Variants in MYBBP1A observed in about 807,000 individuals in gnomAD.
The protein encoded by MYBBP1A is MYB binding protein 1a, also known as myb-binding protein 1A.
In MYBBP1A, 147 loss-of-function variants were observed where a neutral mutation model predicts 136.3. The ratio of observed to expected loss-of-function variants is 1.08; its 90% CI spans 0.94 to 1.24. The LOEUF (loss-of-function observed/expected upper bound fraction) is 1.24. Among genes scored for constraint, MYBBP1A ranks in the 50% most tolerant of loss-of-function variants. The probability of loss-of-function intolerance (pLI) is 0.00; values close to 1 mark genes in which losing one functional copy is unlikely to be tolerated. For synonymous variants in MYBBP1A, 947 were observed against 735.8 expected (o/e 1.29, Z -4.65); for missense variants, 2,060 against 1,727.4 (o/e 1.19, Z -3.41).
At position 4,538,934 on chromosome 17, in the gene MYBBP1A, GCTC is replaced by G. The variant is rs778911206; in HGVS notation, c.*478_*480del. The G allele has an allele frequency of 1.1e-5, 9 of 783,014 alleles. No individual in the cohort carries two copies. Among genetic ancestry groups the G allele is most frequent in the Non-Finnish European group, 1.9e-5 (8 of 420,038 alleles). 48.5% of individuals were successfully genotyped at this position (783,014 alleles called of 1,614,324 possible). A position where few individuals can be genotyped will look rare whatever the true frequency, so the allele number is the denominator to read the frequency against. On this transcript the variant is annotated 3_prime_UTR_variant, in exon 26 of 26. Transcript: ENST00000254718. ...TCCTCTTCCTTCCGGAAGCCAAACT[GCTC>G]CTTTATTTTTTAGAGCTGCTGATTG... is the stretch of plus-strand genomic sequence containing the variant.
In MYBBP1A at chr17:4,541,512, A is replaced by G; in HGVS notation, c.3248T>C (p.Leu1083Pro). The change falls in exon 24 of 26, where the codon CTG becomes CCG. Residue 1083 changes from leucine (L) to proline (P), a missense_variant. Transcript: ENST00000254718. The stretch of plus-strand genomic sequence containing the variant: ...AACGTTGAGCAGCTCCAGGGAGGAC[A>G]GTGCCTGCTGATGCTGCGCCTTGGT... ...AQTKAQHQQA[L>P]SSLELLNVLF... The G allele has an allele frequency of 6.2e-7, 1 of 1,613,566 alleles. No individual in the cohort carries two copies. Among genetic ancestry groups the G allele is most frequent in the East Asian group, 2.2e-5 (1 of 44,888 alleles).
chr17:4,545,257 A>G lies in MYBBP1A; in HGVS notation c.2160+2T>C, dbSNP rs775994491. 8 of 1,607,136 alleles carry G rather than the reference A, an allele frequency of 5.0e-6. No homozygotes were observed. The highest frequency in any genetic ancestry group is 8.5e-7 in the Non-Finnish European group (1 of 1,178,396). Reference sequence around the variant, plus strand: ...CCCCCGCCCGGCCCATGCTGGCAACACCTCTGCACCCTTCAGCCGCCGCTC... The same window carrying G: ...CCCCCGCCCGGCCCATGCTGGCAACGCCTCTGCACCCTTCAGCCGCCGCTC... On this transcript the variant is annotated splice_donor_variant, in intron 16 of 25. Coordinates refer to ENST00000254718, the MANE Select transcript of MYBBP1A (RefSeq NM_014520.4). LOFTEE classifies it high-confidence loss of function.
Position 4,550,266 on chromosome 17 carries a change from G to C in MYBBP1A, c.1111C>G (p.Leu371Val). The C allele has an allele frequency of 6.2e-7, 1 of 1,613,502 alleles. No individual in the cohort carries two copies. The highest frequency in any genetic ancestry group is 8.5e-7 in the Non-Finnish European group (1 of 1,180,032). ...GATGAGAAGGCCACTAGCACGGCCA[G>C]CTGCCGCTCAGGGTCATCCTGGCAC... is the stretch of plus-strand genomic sequence containing the variant. ...EGCQDDPERQLAVLVAFSSVT... is the reference protein window; with the variant it reads ...EGCQDDPERQVAVLVAFSSVT... The change falls in exon 9 of 26, where the codon CTG (leucine) becomes GTG (valine). Residue 371 changes from leucine to valine, a missense_variant. By Grantham distance (32) the Leu-to-Val change is conservative. Transcript: ENST00000254718.
At chr17:4,550,595 G>T (rs1445515172) in intron 8 of MYBBP1A, among the ~76,000 whole-genome samples, 1 of 152,270 alleles carries the variant, frequency 6.6e-6, no homozygotes. Flanking sequence ...CTTTTGTCTG[G>T]CGTCAAGGCC....
chr17:4,551,257 CACTTACTGGGCACCAG>C (rs1191628784), intron 8 of MYBBP1A, among the ~76,000 whole-genome samples: 3 of 152,242 alleles, frequency 2.0e-5, no homozygotes, highest in Admixed American at 2.0e-4. Flanking sequence ...AACCCAGCAG[CACTTACTGGGCACCAG>C]GCTCACTGGT....
intron 23 of MYBBP1A, 76 bp from the exon 24 acceptor site, chr17:4,541,640 C>G: frequency 6.6e-7 from 1 of 1,525,582 alleles, no homozygotes; most frequent in Non-Finnish European, 9.0e-7. Flanking sequence ...GGAAGTAAAG[C>G]CCAGAGGCAG....
chr17:4,549,190 C>G (rs1907281770), intron 10 of MYBBP1A, 142 bp downstream of exon 10: 1 of 684,754 alleles, frequency 1.5e-6, no homozygotes, highest in South Asian at 1.9e-5. Context: ...TGAGGAATTC[C>G]CAAGTCCCCT....
intron 13 of MYBBP1A, 146 bp from the exon 14 acceptor site, chr17:4,546,088 A>G: frequency 2.9e-6 from 2 of 683,380 alleles, no homozygotes; most frequent in Non-Finnish European, 5.0e-6. Flanking sequence ...CACCCCCACA[A>G]TCCAGAACAG....
At chr17:4,545,550 G>A (rs1567608173) in intron 15 of MYBBP1A, 60 bp downstream of exon 15, 2 of 1,533,074 alleles carry the variant, frequency 1.3e-6, no homozygotes, top group Non-Finnish European at 1.8e-6. Context: ...GGCACCCCTG[G>A]TGCAGCTCGC....
chr17:4,541,422 G>A (rs1489055102), intron 24 of MYBBP1A, 41 bp downstream of exon 24: 1 of 1,575,412 alleles, frequency 6.3e-7, no homozygotes, highest in African/African-American at 1.3e-5. Context: ...AGGCCCCCAA[G>A]AGGAACCCGA....
chr17:4,540,558 C>G lies in MYBBP1A; in HGVS notation c.3298-74G>C, dbSNP rs1171020826. ...TCTCGCGGGCTCCCAGTCTTCCCAC[C>G]TCTGCCCTGTTGCTGCCTCACCAGT... is the stretch of plus-strand genomic sequence containing the variant. On this transcript the variant is annotated intron_variant, in intron 24 of 25. Coordinates refer to ENST00000254718, the MANE Select transcript of MYBBP1A (RefSeq NM_014520.4). The G allele has an allele frequency of 2.0e-6, 3 of 1,466,720 alleles. No homozygotes were observed. In the African/African-American group the frequency reaches 4.2e-5, roughly 21 times the overall value. 90.9% of individuals were successfully genotyped at this position (1,466,720 alleles called of 1,614,324 possible).
At position 4,550,664 on chromosome 17, in the gene MYBBP1A, G is replaced by A. The variant is rs565935039; in HGVS notation, c.1024-311C>T. On this transcript the variant is annotated intron_variant, in intron 8 of 25. Transcript: ENST00000254718. ...CCGGCCCCAGAAGGCCCCTCTTTCC[G>A]CCTTGCTGGATGGGGATGGCCTGTT... Among the ~76,000 whole-genome samples, 10 of 152,274 alleles carry A rather than the reference G, an allele frequency of 6.6e-5. No homozygotes were observed. The South Asian group carries it at 1.0e-3, about 16-fold the overall frequency.
intron 13 of MYBBP1A, among the ~76,000 whole-genome samples, chr17:4,547,027 T>C (rs1907074756): frequency 6.6e-6 from 1 of 152,002 alleles, no homozygotes; most frequent in South Asian, 2.1e-4. Context: ...TTCTCCTGCT[T>C]CACCCTCCTG....
Position 4,551,882 on chromosome 17 carries a change from T to C in MYBBP1A, c.1021A>G (p.Lys341Glu), listed in dbSNP as rs777424886. 6.2e-7 allele frequency: 1 copy of C among 1,612,654 alleles called. No individual in the cohort carries two copies. ...CGAGCTGCACGGGCATTACCCACCT[T>C]AGCAGTGCACACGTGCTCCCCGTAA... is the stretch of plus-strand genomic sequence containing the variant. Reference protein sequence around the residue: ...RHYGEHVCTAKLPKQFKFAPE... With the variant: ...RHYGEHVCTAELPKQFKFAPE... Residue 341 changes from lysine (K) to glutamate (E), a missense_variant and splice_region_variant, in exon 8 of 26, where the codon AAG becomes GAG. Lys to Glu is a moderately conservative substitution (Grantham distance 56). Transcript: ENST00000254718.
chr17:4,554,125 G>A lies in MYBBP1A; in HGVS notation c.379-32C>T, dbSNP rs775092356. ...AAGGATTCCAGGCACAGGCATGAGG[G>A]GCCCTGGAACTCCCCATTCCCCAAG... is the stretch of plus-strand genomic sequence containing the variant. On this transcript the variant is annotated intron_variant, in intron 3 of 25. Transcript: ENST00000254718. 8.7e-6 allele frequency: 14 copies of A among 1,613,538 alleles called. 1 individual carries two copies. Among genetic ancestry groups the A allele is most frequent in the South Asian group, 7.7e-5 (7 of 91,074 alleles).
Position 4,539,469 on chromosome 17 carries a change from C to T in MYBBP1A, c.3933G>A (p.Leu1311=), listed in dbSNP as rs1906140939. The part of the protein sequence containing the change: ...RLSLVIRSPS[L]LQSGAKKKAQ... ...CTTTCTTCTTGGCCCCACTCTGAAG[C>T]AGGCTGGGACTCCTGATGACCAAAG... The change falls in exon 26 of 26, where the codon CTG becomes CTA. Residue 1311 remains leucine (L), a synonymous_variant. Transcript: ENST00000254718. The T allele has an allele frequency of 6.2e-7, 1 of 1,614,004 alleles. No homozygotes were observed. Among genetic ancestry groups the T allele is most frequent in the Non-Finnish European group, 8.5e-7 (1 of 1,180,004 alleles).
chr17:4,552,820 G>A lies in MYBBP1A; in HGVS notation c.562-194C>T, dbSNP rs933529051. Among the ~76,000 whole-genome samples, 2 of 128,928 alleles carry A rather than the reference G, an allele frequency of 1.6e-5. No individual in the cohort carries two copies. Among genetic ancestry groups the A allele is most frequent in the African/African-American group, 5.6e-5 (2 of 35,634 alleles). 84.6% of individuals were successfully genotyped at this position (128,928 alleles called of 152,430 possible). On this transcript the variant is annotated intron_variant, in intron 5 of 25. Coordinates refer to ENST00000254718, the MANE Select transcript of MYBBP1A (RefSeq NM_014520.4). The surrounding 1 kb of genome is among the most constrained non-coding windows in gnomAD (Gnocchi z 4.7). The stretch of plus-strand genomic sequence containing the variant: ...CACTGACGCTAACTGGCCCCTGGAG[G>A]TACCTGCCCCCCACCCCTTATTTTT...
In MYBBP1A at chr17:4,548,399, C is replaced by T. The variant is rs372653482; in HGVS notation, c.1557-89G>A. On this transcript the variant is annotated intron_variant, in intron 11 of 25. Coordinates refer to ENST00000254718, the MANE Select transcript of MYBBP1A (RefSeq NM_014520.4). The surrounding 1 kb of genome is among the most constrained non-coding windows in gnomAD (Gnocchi z 4.2). ...CCCTCCCCAGGGCTCGGTCTCCCGC[C>T]TCTCCAGGACCTACTAGAACTCCGG... is the stretch of plus-strand genomic sequence containing the variant. 1.3e-5 allele frequency: 21 copies of T among 1,603,342 alleles called. No homozygotes were observed. In the South Asian group the frequency reaches 2.0e-4, roughly 15 times the overall value.
intron 25 of MYBBP1A, 129 bp from the exon 26 acceptor site, chr17:4,540,096 G>A (rs1447201424): frequency 1.7e-5 from 21 of 1,238,036 alleles, no homozygotes; most frequent in Non-Finnish European, 2.3e-5. Context: ...CCCTATGAGG[G>A]TCCCGTGAGG....
Sources: gnomAD v4.1 joint callset for allele counts (sites outside exome capture counted in the v4.1 genomes callset) on GRCh38, gnomAD v4.1.1 for gene constraint, Gnocchi (gnomAD v3.1) non-coding constraint, MANE v1.5 for transcripts, NCBI Gene and HGNC (gene_info 2026-07-23, HGNC 2026-07-21) for gene names.